The following PPP1R14C variants were observed in gnomAD, a reference collection of about 807,000 sequenced individuals.
PPP1R14C encodes the protein protein phosphatase 1 regulatory subunit 14C.
Under a neutral mutation model 20.4 loss-of-function variants are expected in PPP1R14C, and 16 were observed. The observed-to-expected ratio is 0.78, with a 90% CI of 0.53 to 1.19. PPP1R14C has a LOEUF of 1.19. Ranked by LOEUF, PPP1R14C falls within the 50% of genes most tolerant of loss-of-function variation. The pLI is 0.00. For missense variants in PPP1R14C, 211 were observed against 220.1 expected, an observed-to-expected ratio of 0.96 and a Z score of 0.26; for synonymous variants, 91 against 91.0, an observed-to-expected ratio of 1.00 and a Z score of 0.00.
At chr6:150,177,641 G>A (rs1165188103) in intron 1 of PPP1R14C, among the ~76,000 whole-genome samples, 1 of 152,202 alleles carries the variant, frequency 6.6e-6, no homozygotes, top group Non-Finnish European at 1.5e-5. Flanking sequence ...AAATACATGA[G>A]CAGCTCTGAG....
intron 1 of PPP1R14C, among the ~76,000 whole-genome samples, chr6:150,212,555 A>T (rs532583735): frequency 1.3e-5 from 2 of 152,314 alleles, no homozygotes; most frequent in African/African-American, 4.8e-5. Context: ...TGTTCTGCGG[A>T]GGGCATTAGT....
chr6:150,199,000 CTT>C (rs557858473), intron 1 of PPP1R14C, among the ~76,000 whole-genome samples: 10 of 146,508 alleles, frequency 6.8e-5, no homozygotes, highest in Admixed American at 6.8e-5. Flanking sequence ...TAGGCTTCTT[CTT>C]TTTTTTTTTT....
chr6:150,166,517 G>A lies in PPP1R14C; in HGVS notation c.306+23019G>A, dbSNP rs1228310610. Among the ~76,000 whole-genome samples the A allele has an allele frequency of 2.0e-5, 3 of 152,164 alleles. No individual in the cohort carries two copies. In the East Asian group the frequency reaches 5.8e-4, roughly 29 times the overall value. On this transcript the variant is annotated intron_variant, in intron 1 of 3. Coordinates refer to ENST00000361131, the MANE Select transcript of PPP1R14C (RefSeq NM_030949.3). ...CTCTTTGTTCCTCCTTTCCTCTGGG[G>A]ATATGAACAAAGAGGGGCAGGGGAC... is the stretch of plus-strand genomic sequence containing the variant.
Position 150,179,152 on chromosome 6 carries a change from T to C in PPP1R14C, c.307-35592T>C, listed in dbSNP as rs192178404. ...CAAGCATGGTGGCTCATACCTGTAG[T>C]CCCAGCACTTTGGGAGGCCAAGCTA... On this transcript the variant is annotated intron_variant, in intron 1 of 3. Coordinates refer to ENST00000361131, the MANE Select transcript of PPP1R14C (RefSeq NM_030949.3). Among the ~76,000 whole-genome samples the C allele has an allele frequency of 1.6e-4, 25 of 152,252 alleles. No homozygotes were observed. In the East Asian group the frequency reaches 3.5e-3, roughly 21 times the overall value.
intron 1 of PPP1R14C, among the ~76,000 whole-genome samples, chr6:150,144,740 A>C (rs1777163091): frequency 6.6e-6 from 1 of 152,258 alleles, no homozygotes; most frequent in African/African-American, 2.4e-5. Flanking sequence ...AAATGATTAT[A>C]ATATAATGAA....
chr6:150,144,920 T>C (rs1238573003), intron 1 of PPP1R14C, among the ~76,000 whole-genome samples: 3 of 152,234 alleles, frequency 2.0e-5, no homozygotes, highest in Non-Finnish European at 4.4e-5. Flanking sequence ...TTGATGTAGA[T>C]GGGATTACTG....
At chr6:150,205,645 T>G (rs939392535) in intron 1 of PPP1R14C, among the ~76,000 whole-genome samples, 12 of 151,904 alleles carry the variant, frequency 7.9e-5, no homozygotes, top group Admixed American at 1.3e-4. Context: ...ATACAAAAAT[T>G]AGCTGGGTGT....
At chr6:150,191,479 C>A (rs1476772675) in intron 1 of PPP1R14C, among the ~76,000 whole-genome samples, 1 of 152,200 alleles carries the variant, frequency 6.6e-6, no homozygotes, top group Non-Finnish European at 1.5e-5. Flanking sequence ...TTGGGAGAGA[C>A]ACAAGTACAT....
chr6:150,225,641 C>G (rs143785019), intron 3 of PPP1R14C, among the ~76,000 whole-genome samples: 5 of 152,298 alleles, frequency 3.3e-5, no homozygotes, highest in African/African-American at 1.2e-4. Flanking sequence ...ACATACCTGA[C>G]TGGAAACAGG....
chr6:150,207,456 C>T lies in PPP1R14C; in HGVS notation c.307-7288C>T, dbSNP rs537037344. On this transcript the variant is annotated intron_variant, in intron 1 of 3. Transcript: ENST00000361131. ...AGCTCATCTCCATGCCTTGCGTGCT[C>T]CCCAGCTTGTCAAGCCTCCATCTGT... Among the ~76,000 whole-genome samples, 49 of 152,312 alleles carry T rather than the reference C, an allele frequency of 3.2e-4. No individual in the cohort carries two copies. The South Asian group carries it at 9.3e-3, about 29-fold the overall frequency.
At chr6:150,222,785 T>TTTTTTTTTTTTTTA (rs1562273737) in intron 3 of PPP1R14C, among the ~76,000 whole-genome samples, 1 of 146,388 alleles carries the variant, frequency 6.8e-6, no homozygotes, top group African/African-American at 2.6e-5. Context: ...TTTTTTTTTT[T>TTTTTTTTTTTTTTA]TTTTGTGGTG....
At chr6:150,144,287 C>T (rs985850429) in intron 1 of PPP1R14C, among the ~76,000 whole-genome samples, 1 of 152,250 alleles carries the variant, frequency 6.6e-6, no homozygotes, top group African/African-American at 2.4e-5. Flanking sequence ...GCTCCCCTCT[C>T]CTCCACGACA....
chr6:150,186,027 C>T (rs969471423), intron 1 of PPP1R14C, among the ~76,000 whole-genome samples: 2 of 152,174 alleles, frequency 1.3e-5, no homozygotes, highest in Non-Finnish European at 2.9e-5. Flanking sequence ...CAGCCCTACC[C>T]TGTCGCTGGA....
intron 1 of PPP1R14C, among the ~76,000 whole-genome samples, chr6:150,166,482 G>A (rs1777423652): frequency 6.6e-6 from 1 of 152,164 alleles, no homozygotes. Context: ...CTGGGGTTAT[G>A]TCCCAGGGTC....
Position 150,248,854 on chromosome 6 carries a change from A to G in PPP1R14C, c.*34A>G. 7.1e-7 allele frequency: 1 copy of G among 1,417,848 alleles called. No individual in the cohort carries two copies. The highest frequency in any genetic ancestry group is 1.4e-5 in the African/African-American group (1 of 70,968). 87.8% of individuals were successfully genotyped at this position (1,417,848 alleles called of 1,614,324 possible). ...CAGGGTGAAACTCTCCCAGAGACGA[A>G]GAAAGAGTCCTGGGATTTGTACTTC... On this transcript the variant is annotated 3_prime_UTR_variant, in exon 4 of 4. Coordinates refer to ENST00000361131, the MANE Select transcript of PPP1R14C (RefSeq NM_030949.3).
In PPP1R14C at chr6:150,168,405, C is replaced by T. The variant is rs984351397; in HGVS notation, c.306+24907C>T. ...CAGATTACCTGGGCGTAGTGGCGGG[C>T]GCCTGTAGTCCCAGCTACTTGGGAG... On this transcript the variant is annotated intron_variant, in intron 1 of 3. Transcript: ENST00000361131. 3.3e-5 allele frequency among the ~76,000 whole-genome samples: 5 copies of T among 151,564 alleles called. No homozygotes were observed. The East Asian group carries it at 7.8e-4, about 24-fold the overall frequency.
chr6:150,226,246 AT>A (rs1778229026), intron 3 of PPP1R14C, among the ~76,000 whole-genome samples: 1 of 152,180 alleles, frequency 6.6e-6, no homozygotes, highest in African/African-American at 2.4e-5. Flanking sequence ...TGGTGATTTC[AT>A]TTTTTTCCTT....
At position 150,248,941 on chromosome 6, in the gene PPP1R14C, C is replaced by CT. The variant is rs200986997; in HGVS notation, c.*127dup. ...ACAACGTTTTTGTTTTTTTTTTTTT[C>CT]TTTTTTGGTGTGAAGGTGGGGGGGT... On this transcript the variant is annotated 3_prime_UTR_variant, in exon 4 of 4. Transcript: ENST00000361131. 0.11 allele frequency: 52,331 copies of CT among 496,256 alleles called. 2,565 individuals carry two copies. The highest frequency in any genetic ancestry group is 0.15 in the Middle Eastern group (386 of 2,648). 30.7% of individuals were successfully genotyped at this position (496,256 alleles called of 1,614,324 possible).
At chr6:150,148,975 G>A (rs1306385406) in intron 1 of PPP1R14C, among the ~76,000 whole-genome samples, 1 of 151,870 alleles carries the variant, frequency 6.6e-6, no homozygotes, top group Non-Finnish European at 1.5e-5. Context: ...GAGGTGGGAG[G>A]ATCACCTGAG....
Sources: allele counts gnomAD v4.1 joint callset (sites outside exome capture counted in the v4.1 genomes callset), GRCh38; gene constraint gnomAD v4.1.1; transcripts MANE v1.5; gene names NCBI Gene and HGNC (gene_info 2026-07-23, HGNC 2026-07-21).